RASEF: variants seen among roughly 807,000 people sequenced by gnomAD.
RASEF encodes RAS and EF-hand domain containing, also known as ras and EF-hand domain-containing protein.
In RASEF, 68 loss-of-function variants were observed where a neutral mutation model predicts 90.1. The ratio of observed to expected loss-of-function variants is 0.75; its 90% CI spans 0.62 to 0.92. The LOEUF (loss-of-function observed/expected upper bound fraction) is 0.92, where lower values mean the gene tolerates loss of function less well. Ranked by LOEUF, RASEF falls within the 40% of genes least tolerant of loss-of-function variation. The pLI is 0.00. For synonymous variants in RASEF, 331 were observed against 345.2 expected (o/e 0.96, Z 0.46); for missense variants, 949 against 937.2 (o/e 1.01, Z -0.16).
chr9:83,009,123 A>G (rs1273039850), intron 6 of RASEF, among the ~76,000 whole-genome samples: 1 of 151,636 alleles, frequency 6.6e-6, no homozygotes, highest in Non-Finnish European at 1.5e-5. Flanking sequence ...TACATGTCCT[A>G]GGGGATACAC....
the RASEF span, among the ~76,000 whole-genome samples, chr9:83,206,940 G>A: frequency 9.9e-5 from 15 of 151,962 alleles, no homozygotes; most frequent in Non-Finnish European, 1.9e-4. Flanking sequence ...CCACTGTTGC[G>A]TCTTCCCGTC....
the RASEF span, among the ~76,000 whole-genome samples, chr9:83,084,582 T>A: frequency 6.6e-6 from 1 of 152,186 alleles, no homozygotes; most frequent in Non-Finnish European, 1.5e-5. Flanking sequence ...AGGGAAGCTA[T>A]TGGCAACCAT....
the RASEF span, among the ~76,000 whole-genome samples, chr9:83,185,019 C>G: frequency 6.6e-6 from 1 of 152,160 alleles, no homozygotes; most frequent in East Asian, 1.9e-4. Context: ...GGGGTGGGGC[C>G]AGAAATCTGT....
At chr9:83,048,245 A>G in intron 1 of RASEF, 1 of 985,384 alleles carries the variant, frequency 1.0e-6, no homozygotes, top group Non-Finnish European at 1.2e-6. Context: ...GCTGGACTAC[A>G]AAAGAAAGTT....
chr9:83,178,881 G>T, the RASEF span, among the ~76,000 whole-genome samples: 8 of 152,190 alleles, frequency 5.3e-5, no homozygotes, highest in South Asian at 1.0e-3. Context: ...TGCCAACCAG[G>T]CTAGCATAAC....
intron 1 of RASEF, among the ~76,000 whole-genome samples, chr9:83,047,320 C>A (rs1210102282): frequency 6.6e-6 from 1 of 152,192 alleles, no homozygotes; most frequent in Non-Finnish European, 1.5e-5. Flanking sequence ...GTAACCCAGA[C>A]ACACAGCTTT....
chr9:83,147,040 G>GTATATA, the RASEF span, among the ~76,000 whole-genome samples: 3,427 of 143,500 alleles, frequency 0.024, 119 homozygotes, highest in African/African-American at 0.081. Flanking sequence ...ATATATATAT[G>GTATATA]TATATATATA....
the RASEF span, among the ~76,000 whole-genome samples, chr9:83,195,540 G>A: frequency 6.6e-6 from 1 of 152,104 alleles, no homozygotes; most frequent in South Asian, 2.1e-4. Flanking sequence ...ACACATGCCA[G>A]GCACTATTCC....
At chr9:82,992,811 C>T in intron 15 of RASEF, 95 bp downstream of exon 15, 1 of 1,347,856 alleles carries the variant, frequency 7.4e-7, no homozygotes, top group Non-Finnish European at 1.0e-6. Context: ...GTCAAAGGAC[C>T]TCTCAAGCAA....
intron 3 of RASEF, among the ~76,000 whole-genome samples, chr9:83,017,708 A>G (rs1303050508): frequency 6.6e-6 from 1 of 152,252 alleles, no homozygotes; most frequent in East Asian, 1.9e-4. Flanking sequence ...TCATTCTAGG[A>G]GACCAGAATT....
the RASEF span, among the ~76,000 whole-genome samples, chr9:83,135,787 A>T: frequency 6.6e-6 from 1 of 152,160 alleles, no homozygotes; most frequent in Admixed American, 6.6e-5. Flanking sequence ...GTGCTTCACA[A>T]GTATGTTAGA....
intron 9 of RASEF, among the ~76,000 whole-genome samples, chr9:83,002,779 A>G (rs575357005): frequency 6.6e-6 from 1 of 152,276 alleles, no homozygotes; most frequent in African/African-American, 2.4e-5. Context: ...AATTCACCTG[A>G]ATAAACATCT....
the RASEF span, among the ~76,000 whole-genome samples, chr9:83,211,176 C>G: frequency 6.6e-6 from 1 of 152,204 alleles, no homozygotes; most frequent in Non-Finnish European, 1.5e-5. Context: ...TCAATCTGGA[C>G]AGATCCTCAG....
chr9:83,205,373 T>C, the RASEF span, among the ~76,000 whole-genome samples: 2 of 152,212 alleles, frequency 1.3e-5, no homozygotes, highest in Non-Finnish European at 2.9e-5. Flanking sequence ...AGCACTTCTA[T>C]CACTTGCAAT....
intron 3 of RASEF, among the ~76,000 whole-genome samples, chr9:83,017,713 A>G (rs2118537915): frequency 6.6e-6 from 1 of 152,368 alleles, no homozygotes; most frequent in African/African-American, 2.4e-5. Context: ...CTAGGAGACC[A>G]GAATTTGCCT....
chr9:83,214,463 A>G, the RASEF span, among the ~76,000 whole-genome samples: 15 of 152,296 alleles, frequency 9.8e-5, no homozygotes, highest in East Asian at 2.1e-3. Flanking sequence ...CAGGCAAACA[A>G]TTTTGGGTTT....
chr9:83,154,856 T>C, the RASEF span, among the ~76,000 whole-genome samples: 4 of 152,230 alleles, frequency 2.6e-5, no homozygotes, highest in Non-Finnish European at 5.9e-5. Flanking sequence ...GGTTCACAAC[T>C]ATCTAAGGAA....
At chr9:83,079,837 C>T in the RASEF span, among the ~76,000 whole-genome samples, 3 of 151,344 alleles carry the variant, frequency 2.0e-5, no homozygotes, top group African/African-American at 7.3e-5. Flanking sequence ...AGAAATATTA[C>T]AATTCAATAT....
chr9:83,071,936 C>G, the RASEF span, among the ~76,000 whole-genome samples: 29 of 152,284 alleles, frequency 1.9e-4, no homozygotes, highest in African/African-American at 6.5e-4. Context: ...CTGCTACCTT[C>G]TATTGGTGTG....
Sources: gnomAD v4.1 joint callset for allele counts (sites outside exome capture counted in the v4.1 genomes callset) on GRCh38, gnomAD v4.1.1 for gene constraint, MANE v1.5 for transcripts, NCBI Gene and HGNC (gene_info 2026-07-23, HGNC 2026-07-21) for gene names.